RBFOX1: variants seen among roughly 807,000 people sequenced by gnomAD.
RBFOX1 encodes RNA binding protein fox-1 homolog 1.
RBFOX1 carries 8 observed loss-of-function variants against 57.7 expected under a neutral mutation model. The observed-to-expected ratio is 0.14, with a 90% CI of 0.08 to 0.25. The LOEUF is 0.25. Ranked by LOEUF, RBFOX1 falls within the 10% of genes least tolerant of loss-of-function variation. The probability of loss-of-function intolerance (pLI) is 1.00; values close to 1 mark genes in which losing one functional copy is unlikely to be tolerated. For synonymous variants in RBFOX1, 326 were observed against 222.4 expected (o/e 1.47, Z -4.15); for missense variants, 611 against 548.5 (o/e 1.11, Z -1.14).
At chr16:6,689,907 G>C (rs2059967136) in intron 3 of RBFOX1, among the ~76,000 whole-genome samples, 2 of 152,190 alleles carry the variant, frequency 1.3e-5, no homozygotes, top group African/African-American at 4.8e-5. Context: ...GTGTGTGCTT[G>C]TGTTTGTCAA....
intron 9 of RBFOX1, among the ~76,000 whole-genome samples, chr16:7,600,904 G>A (rs1374513925): frequency 6.6e-6 from 1 of 152,166 alleles, no homozygotes; most frequent in African/African-American, 2.4e-5. Flanking sequence ...GTAGGCTTCT[G>A]GACATTCTAT....
chr16:5,842,526 GTTCA>G (rs1320991549), intron 3 of RBFOX1, among the ~76,000 whole-genome samples: 3 of 152,124 alleles, frequency 2.0e-5, no homozygotes, highest in African/African-American at 7.2e-5. Flanking sequence ...TGCTGCAGGT[GTTCA>G]TTCATGTATT....
At chr16:5,587,091 T>A (rs187903124) in intron 2 of RBFOX1, among the ~76,000 whole-genome samples, 5 of 152,136 alleles carry the variant, frequency 3.3e-5, no homozygotes, top group Non-Finnish European at 7.3e-5. Context: ...ACATGGCCCA[T>A]TGGTTATGCA....
chr16:7,402,041 G>A (rs1339116618), intron 4 of RBFOX1, among the ~76,000 whole-genome samples: 1 of 152,022 alleles, frequency 6.6e-6, no homozygotes, highest in Non-Finnish European at 1.5e-5. Flanking sequence ...CATTTTTAAT[G>A]TATATTTTAA....
chr16:6,072,019 A>T (rs2095843720), intron 1 of RBFOX1, among the ~76,000 whole-genome samples: 1 of 152,174 alleles, frequency 6.6e-6, no homozygotes, highest in African/African-American at 2.4e-5. Context: ...CATACCCAAG[A>T]CTGGGTAACT....
chr16:7,639,272 C>T (rs1350340485), intron 11 of RBFOX1, among the ~76,000 whole-genome samples: 4 of 152,202 alleles, frequency 2.6e-5, no homozygotes, highest in Non-Finnish European at 4.4e-5. Context: ...TATCCCCACA[C>T]TTTCAACAAT....
chr16:5,557,251 C>T, intron 2 of RBFOX1, among the ~76,000 whole-genome samples: 1 of 148,566 alleles, frequency 6.7e-6, no homozygotes, highest in Non-Finnish European at 1.5e-5. Context: ...CAGAGTGAGA[C>T]TCCATCTCAA....
chr16:7,654,224 G>A (rs950075267), intron 12 of RBFOX1, among the ~76,000 whole-genome samples: 1 of 152,258 alleles, frequency 6.6e-6, no homozygotes, highest in Non-Finnish European at 1.5e-5. Context: ...CTGGAGAACA[G>A]AGAAATGGTT....
chr16:5,467,122 C>G, intron 1 of RBFOX1: 1 of 1,306,646 alleles, frequency 7.7e-7, no homozygotes, highest in Non-Finnish European at 1.0e-6. Context: ...TTTTTTAAAT[C>G]TAAGAGAAAA....
At chr16:7,701,340 C>T (rs7206062) in intron 14 of RBFOX1, among the ~76,000 whole-genome samples, 50,465 of 151,924 alleles carry the variant, frequency 0.33, 8,604 homozygotes, top group African/African-American at 0.35. Context: ...TGTTTGCAGC[C>T]GCCCCCTCTC....
chr16:7,336,049 TAAG>T (rs2096781120), intron 4 of RBFOX1, among the ~76,000 whole-genome samples: 1 of 152,238 alleles, frequency 6.6e-6, no homozygotes, highest in Admixed American at 6.5e-5. Flanking sequence ...TATCTTTGGA[TAAG>T]AAGAACCAAT....
chr16:5,696,528 A>G (rs939906065), intron 3 of RBFOX1, among the ~76,000 whole-genome samples: 2 of 152,218 alleles, frequency 1.3e-5, no homozygotes, highest in Non-Finnish European at 2.9e-5. Context: ...ATGTGATCCA[A>G]GGCTATGTGC....
intron 2 of RBFOX1, among the ~76,000 whole-genome samples, chr16:6,555,404 A>C (rs1344692805): frequency 6.6e-6 from 1 of 152,162 alleles, no homozygotes; most frequent in Non-Finnish European, 1.5e-5. Flanking sequence ...TCATGTATTA[A>C]AGGATACCAT....
intron 3 of RBFOX1, among the ~76,000 whole-genome samples, chr16:6,705,799 C>G (rs561380218): frequency 3.3e-5 from 5 of 152,254 alleles, no homozygotes; most frequent in South Asian, 2.1e-4. Flanking sequence ...AGGCAGATCA[C>G]TTGAGCTCAG....
chr16:7,597,065 C>T (rs748352031), intron 8 of RBFOX1, among the ~76,000 whole-genome samples: 2 of 152,134 alleles, frequency 1.3e-5, no homozygotes, highest in Non-Finnish European at 2.9e-5. Flanking sequence ...CCATGGAGTA[C>T]ACGCATGCTT....
chr16:5,614,999 A>G (rs2047968982), intron 3 of RBFOX1, among the ~76,000 whole-genome samples: 1 of 152,184 alleles, frequency 6.6e-6, no homozygotes, highest in Admixed American at 6.5e-5. Flanking sequence ...CCAGATTTCC[A>G]TGATGATGGG....
At chr16:5,924,007 A>C (rs2058890915) in intron 4 of RBFOX1, among the ~76,000 whole-genome samples, 1 of 152,118 alleles carries the variant, frequency 6.6e-6, no homozygotes, top group Non-Finnish European at 1.5e-5. Context: ...ATGTGGAGGT[A>C]ATTGGCTCAT....
At chr16:7,033,033 T>C (rs1366972511) in intron 3 of RBFOX1, among the ~76,000 whole-genome samples, 1 of 152,132 alleles carries the variant, frequency 6.6e-6, no homozygotes, top group East Asian at 1.9e-4. Flanking sequence ...ACCTACTGTG[T>C]AGAGACTGTC....
intron 4 of RBFOX1, among the ~76,000 whole-genome samples, chr16:7,215,290 C>T (rs921654872): frequency 3.5e-4 from 53 of 152,128 alleles, no homozygotes; most frequent in African/African-American, 1.2e-3. Flanking sequence ...ACCAGAAATA[C>T]CATTTGACCC....
Sources: allele counts gnomAD v4.1 joint callset (sites outside exome capture counted in the v4.1 genomes callset), GRCh38; gene constraint gnomAD v4.1.1; transcripts MANE v1.5; gene names NCBI Gene and HGNC (gene_info 2026-07-23, HGNC 2026-07-21).